Variants in GRM1 observed in about 807,000 individuals in gnomAD.
GRM1 encodes the protein glutamate metabotropic receptor 1.
Under a neutral mutation model 90.9 loss-of-function variants are expected in GRM1, and 33 were observed. The observed-to-expected ratio is 0.36, with a 90% CI of 0.28 to 0.49. The LOEUF (loss-of-function observed/expected upper bound fraction) is 0.49, where lower values mean the gene tolerates loss of function less well. Ranked by LOEUF, GRM1 falls within the 20% of genes least tolerant of loss-of-function variation. The pLI is 0.99. For synonymous variants in GRM1, 700 were observed against 613.2 expected, an observed-to-expected ratio of 1.14 and a Z score of -2.09; for missense variants, 1,190 against 1,534.3, an observed-to-expected ratio of 0.78 and a Z score of 3.75.
chr6:146,051,759 T>C (rs1029139859), intron 1 of GRM1, among the ~76,000 whole-genome samples: 11 of 152,090 alleles, frequency 7.2e-5, no homozygotes, highest in African/African-American at 2.4e-4. Context: ...TATGAACATA[T>C]GTATAGCATT....
At chr6:146,171,611 T>TG (rs761019225) in intron 2 of GRM1, 23 of 257,210 alleles carry the variant, frequency 8.9e-5, no homozygotes, top group South Asian at 1.8e-4. Context: ...GCAACAGCTG[T>TG]GGGGGGGTGA....
At chr6:146,292,186 C>T (rs1783011474) in intron 2 of GRM1, among the ~76,000 whole-genome samples, 1 of 151,794 alleles carries the variant, frequency 6.6e-6, no homozygotes, top group Non-Finnish European at 1.5e-5. Flanking sequence ...AGAGGTGAAA[C>T]CATAAAATTT....
chr6:146,193,311 T>G (rs1778993560), intron 2 of GRM1, among the ~76,000 whole-genome samples: 1 of 151,964 alleles, frequency 6.6e-6, no homozygotes, highest in Admixed American at 6.6e-5. Context: ...ATCATCAAGG[T>G]TGTGAGTGGA....
intron 1 of GRM1, among the ~76,000 whole-genome samples, chr6:146,031,793 A>G (rs1790717218): frequency 6.6e-6 from 1 of 152,222 alleles, no homozygotes; most frequent in African/African-American, 2.4e-5. Flanking sequence ...ATCCTGAAAG[A>G]GCAAGTTAAA....
At chr6:146,097,141 T>C (rs1278459960) in intron 1 of GRM1, among the ~76,000 whole-genome samples, 1 of 152,106 alleles carries the variant, frequency 6.6e-6, no homozygotes, top group Non-Finnish European at 1.5e-5. Flanking sequence ...AGACAATCTG[T>C]GGGATAATAT....
At chr6:146,340,041 CTA>C (rs1191406312) in intron 3 of GRM1, among the ~76,000 whole-genome samples, 1 of 152,196 alleles carries the variant, frequency 6.6e-6, no homozygotes, top group Non-Finnish European at 1.5e-5. Flanking sequence ...TACCTGGTGA[CTA>C]TGACTCAGCA....
chr6:146,127,232 C>T (rs1212063236), intron 1 of GRM1, among the ~76,000 whole-genome samples: 2 of 152,060 alleles, frequency 1.3e-5, no homozygotes, highest in East Asian at 3.9e-4. Flanking sequence ...GTGGGGAGAG[C>T]CAGGGGCTAC....
intron 7 of GRM1, among the ~76,000 whole-genome samples, chr6:146,417,125 T>C (rs1310388085): frequency 6.6e-6 from 1 of 152,190 alleles, no homozygotes; most frequent in African/African-American, 2.4e-5. Context: ...CCTGGATTCT[T>C]AGTCTGTTGT....
intron 3 of GRM1, among the ~76,000 whole-genome samples, chr6:146,341,287 C>T (rs915276878): frequency 6.6e-6 from 1 of 152,152 alleles, no homozygotes; most frequent in African/African-American, 2.4e-5. Context: ...TTCTGTCTCC[C>T]TCCCTCTCTC....
intron 1 of GRM1, among the ~76,000 whole-genome samples, chr6:146,123,432 G>A (rs1311126367): frequency 6.6e-6 from 1 of 152,190 alleles, no homozygotes; most frequent in African/African-American, 2.4e-5. Flanking sequence ...CCTGATGGAT[G>A]CAGGGGCTGC....
At chr6:146,205,872 G>T (rs1372919319) in intron 2 of GRM1, among the ~76,000 whole-genome samples, 1 of 152,040 alleles carries the variant, frequency 6.6e-6, no homozygotes, top group Non-Finnish European at 1.5e-5. Context: ...TTTCCCACAT[G>T]CTCCAAGCAA....
chr6:146,147,783 G>T (rs927170266), intron 1 of GRM1, among the ~76,000 whole-genome samples: 1 of 151,966 alleles, frequency 6.6e-6, no homozygotes, highest in Non-Finnish European at 1.5e-5. Flanking sequence ...AAACAGAGAG[G>T]GGGTCCTGAG....
chr6:146,392,541 T>C (rs1467190510), intron 6 of GRM1, among the ~76,000 whole-genome samples: 4 of 152,200 alleles, frequency 2.6e-5, no homozygotes, highest in Non-Finnish European at 5.9e-5. Flanking sequence ...TATTATTTCT[T>C]TTTTAAAATT....
chr6:146,349,761 T>C (rs1440492163), intron 3 of GRM1, among the ~76,000 whole-genome samples: 1 of 152,212 alleles, frequency 6.6e-6, no homozygotes, highest in African/African-American at 2.4e-5. Flanking sequence ...GAATAAATAT[T>C]TGTCAAATCC....
intron 2 of GRM1, among the ~76,000 whole-genome samples, chr6:146,188,559 G>A (rs1385909636): frequency 6.6e-6 from 1 of 152,244 alleles, no homozygotes; most frequent in East Asian, 1.9e-4. Context: ...AAATGTTAAT[G>A]TCAGAATGTT....
intron 5 of GRM1, among the ~76,000 whole-genome samples, chr6:146,375,609 T>C (rs1248253038): frequency 6.6e-6 from 1 of 152,096 alleles, no homozygotes; most frequent in Non-Finnish European, 1.5e-5. Context: ...AAAATTGTTA[T>C]ATTCTCCAGT....
intron 5 of GRM1, among the ~76,000 whole-genome samples, chr6:146,362,916 C>T (rs866276982): frequency 1.3e-5 from 2 of 151,982 alleles, no homozygotes; most frequent in South Asian, 2.1e-4. Flanking sequence ...ATTCTCATTA[C>T]GACCTAAGAT....
intron 2 of GRM1, among the ~76,000 whole-genome samples, chr6:146,227,802 A>G (rs1463667814): frequency 6.6e-6 from 1 of 152,196 alleles, no homozygotes; most frequent in East Asian, 1.9e-4. Flanking sequence ...GCACAATTAA[A>G]TATCCATTGC....
chr6:146,041,184 T>G (rs952286877), intron 1 of GRM1, among the ~76,000 whole-genome samples: 3 of 152,026 alleles, frequency 2.0e-5, no homozygotes, highest in Non-Finnish European at 4.4e-5. Context: ...TTCACTGAGT[T>G]TCTTTAGAAT....
Sources: gnomAD v4.1 joint callset for allele counts (sites outside exome capture counted in the v4.1 genomes callset) on GRCh38, gnomAD v4.1.1 for gene constraint, MANE v1.5 for transcripts, NCBI Gene and HGNC (gene_info 2026-07-23, HGNC 2026-07-21) for gene names.